The following FAM216A variants were observed in gnomAD, a reference collection of about 807,000 sequenced individuals.
The protein encoded by FAM216A is protein FAM216A.
FAM216A carries 26 observed loss-of-function variants against 37.6 expected under a neutral mutation model. The ratio of observed to expected loss-of-function variants is 0.69; its 90% CI spans 0.51 to 0.96. The LOEUF is 0.96. Ranked by LOEUF, FAM216A falls within the 40% of genes least tolerant of loss-of-function variation. The pLI, the probability that FAM216A is intolerant of heterozygous loss-of-function variation, is 0.00. For synonymous variants in FAM216A, 110 were observed against 121.7 expected, an observed-to-expected ratio of 0.90 and a Z score of 0.64; for missense variants, 326 against 339.3, an observed-to-expected ratio of 0.96 and a Z score of 0.31.
In FAM216A at chr12:110,485,186, C is replaced by T. The variant is rs376976483; in HGVS notation, c.293C>T (p.Ala98Val). The change falls in exon 3 of 7, where the codon GCG (alanine) becomes GTG (valine). Residue 98 changes from alanine (A) to valine (V), a missense_variant. Ala to Val is a moderately conservative substitution (Grantham distance 64). Transcript: ENST00000377673. ...TIHLSKSMME[A>V]SFFKHPDLTT... ...CACCTCTCTAAATCAATGATGGAGGCGTCCTTTTTCAAGGTATGCTAACAG... is the reference window on the plus strand; with the variant it reads ...CACCTCTCTAAATCAATGATGGAGGTGTCCTTTTTCAAGGTATGCTAACAG... 1.4e-5 allele frequency: 22 copies of T among 1,608,160 alleles called. No homozygotes were observed. The highest frequency in any genetic ancestry group is 1.7e-4 in the Middle Eastern group (1 of 6,046).
rs76614119 is a variant in FAM216A, at chr12:110,485,357, T to C, written c.306+158T>C. Among the ~76,000 whole-genome samples the C allele has an allele frequency of 6.9e-3, 1,045 of 152,292 alleles. 1 individual carries two copies. The highest frequency in any genetic ancestry group is 9.4e-3 in the Non-Finnish European group (637 of 68,016). ...CAATAAATATCTTTGAGTAAACTCA[T>C]GAATGAATGTAAAGATTATACATTC... On this transcript the variant is annotated intron_variant, in intron 3 of 6. Transcript: ENST00000377673.
intron 2 of FAM216A, among the ~76,000 whole-genome samples, chr12:110,483,141 C>G (rs779212012): frequency 4.0e-5 from 6 of 151,774 alleles, no homozygotes; most frequent in Non-Finnish European, 8.8e-5. Context: ...CTGGCTAACA[C>G]AGTGAAACGC....
intron 4 of FAM216A, 22 bp from the exon 5 acceptor site, chr12:110,486,512 T>C: frequency 6.2e-7 from 1 of 1,609,464 alleles, no homozygotes; most frequent in South Asian, 1.1e-5. Context: ...GAGGGTCTTT[T>C]AACAGGTGAT....
chr12:110,475,145 A>C (rs1228566883), intron 2 of FAM216A, among the ~76,000 whole-genome samples: 1 of 152,246 alleles, frequency 6.6e-6, no homozygotes, highest in Non-Finnish European at 1.5e-5. Flanking sequence ...GTATTCAGCA[A>C]GTGCTTGATT....
At chr12:110,473,557 T>C (rs1225816166) in intron 2 of FAM216A, among the ~76,000 whole-genome samples, 1 of 152,196 alleles carries the variant, frequency 6.6e-6, no homozygotes, top group African/African-American at 2.4e-5. Flanking sequence ...TTGGTGAACT[T>C]AGTCTTTAAG....
intron 2 of FAM216A, among the ~76,000 whole-genome samples, chr12:110,476,203 GTT>G (rs59041502): frequency 2.1e-5 from 3 of 142,142 alleles, no homozygotes; most frequent in Non-Finnish European, 4.6e-5. Flanking sequence ...AGTTGTCAAT[GTT>G]TTTTTTTTTT....
chr12:110,470,568 C>T (rs769056438), intron 1 of FAM216A, among the ~76,000 whole-genome samples: 27 of 151,870 alleles, frequency 1.8e-4, no homozygotes, highest in Non-Finnish European at 3.4e-4. Flanking sequence ...ACCTCCGCCT[C>T]CTGTGTTCAA....
intron 2 of FAM216A, among the ~76,000 whole-genome samples, chr12:110,473,881 C>T (rs1166317252): frequency 6.6e-6 from 1 of 152,146 alleles, no homozygotes; most frequent in Non-Finnish European, 1.5e-5. Flanking sequence ...CCCCAAAGGT[C>T]TCTCACTAAT....
At chr12:110,477,043 T>A (rs1171045682) in intron 2 of FAM216A, among the ~76,000 whole-genome samples, 1 of 152,200 alleles carries the variant, frequency 6.6e-6, no homozygotes, top group Non-Finnish European at 1.5e-5. Context: ...TTTGTAGAAT[T>A]TCCCTAAATT....
intron 1 of FAM216A, among the ~76,000 whole-genome samples, chr12:110,472,567 GA>G (rs2062692631): frequency 6.6e-6 from 1 of 151,412 alleles, no homozygotes; most frequent in African/African-American, 2.4e-5. Flanking sequence ...TCTAAAAAAG[GA>G]AAGAAAAAAA....
At chr12:110,481,043 T>C (rs2062744199) in intron 2 of FAM216A, among the ~76,000 whole-genome samples, 1 of 152,228 alleles carries the variant, frequency 6.6e-6, no homozygotes, top group African/African-American at 2.4e-5. Context: ...GTGACTGGCT[T>C]ATTTCACTTA....
In FAM216A at chr12:110,490,328, C is replaced by T. The variant is rs2062805044; in HGVS notation, c.*191C>T. ...AATGATAGTTATGTAAGAAAATTTA[C>T]ATGTAACATATACTTGTACTTCTAG... On this transcript the variant is annotated 3_prime_UTR_variant, in exon 7 of 7. Coordinates refer to ENST00000377673, the MANE Select transcript of FAM216A (RefSeq NM_013300.3). 1 of 566,916 alleles carries T rather than the reference C, an allele frequency of 1.8e-6. No homozygotes were observed. The highest frequency in any genetic ancestry group is 3.1e-6 in the Non-Finnish European group (1 of 319,636). 35.1% of individuals were successfully genotyped at this position (566,916 alleles called of 1,614,324 possible).
chr12:110,472,265 T>G (rs2062690961), intron 1 of FAM216A, among the ~76,000 whole-genome samples: 2 of 151,662 alleles, frequency 1.3e-5, no homozygotes, highest in Admixed American at 1.3e-4. Context: ...AAGAACAGTC[T>G]TTTCAATACC....
intron 5 of FAM216A, 198 bp downstream of exon 5, chr12:110,486,915 C>T (rs1429255171): frequency 3.7e-6 from 2 of 535,538 alleles, no homozygotes; most frequent in East Asian, 6.3e-5. Flanking sequence ...ACCACCATGC[C>T]CTGCTAGTTA....
At chr12:110,488,326 GAT>G (rs1465067029) in intron 6 of FAM216A, among the ~76,000 whole-genome samples, 17 of 150,540 alleles carry the variant, frequency 1.1e-4, no homozygotes, top group African/African-American at 3.9e-4. Context: ...CAGGAGAATC[GAT>G]TGAACCTGGG....
In FAM216A at chr12:110,490,149, C is replaced by G; in HGVS notation, c.*12C>G. ...TGATGTTAACTTGACAGTCTTGTCT[C>G]GTGTATTGAATTCGTGCCAAAGGTG... On this transcript the variant is annotated 3_prime_UTR_variant, in exon 7 of 7. Transcript: ENST00000377673. The G allele has an allele frequency of 7.6e-7, 1 of 1,315,506 alleles. No homozygotes were observed. The highest frequency in any genetic ancestry group is 1.1e-6 in the Non-Finnish European group (1 of 907,626). 81.5% of individuals were successfully genotyped at this position (1,315,506 alleles called of 1,614,324 possible).
intron 2 of FAM216A, among the ~76,000 whole-genome samples, chr12:110,477,250 T>C (rs951588678): frequency 5.3e-5 from 8 of 152,234 alleles, no homozygotes; most frequent in African/African-American, 1.9e-4. Context: ...GTTATGATTC[T>C]TACCCTTTGT....
At position 110,476,333 on chromosome 12, in the gene FAM216A, G is replaced by A. The variant is rs573168593; in HGVS notation, c.184+3215G>A. Among the ~76,000 whole-genome samples, 3 of 151,596 alleles carry A rather than the reference G, an allele frequency of 2.0e-5. No homozygotes were observed. The South Asian group carries it at 6.2e-4, about 32-fold the overall frequency. ...TCCTGCCTCAGCCTCCCGGGTAGCT[G>A]GGACTACAGTCGCCCACCACCACGC... is the stretch of plus-strand genomic sequence containing the variant. On this transcript the variant is annotated intron_variant, in intron 2 of 6. Coordinates refer to ENST00000377673, the MANE Select transcript of FAM216A (RefSeq NM_013300.3).
At chr12:110,473,728 G>A (rs559420740) in intron 2 of FAM216A, among the ~76,000 whole-genome samples, 1 of 152,210 alleles carries the variant, frequency 6.6e-6, no homozygotes, top group African/African-American at 2.4e-5. Flanking sequence ...ATGGATAGAA[G>A]AAAAAAATTC....
Sources: gnomAD v4.1 joint callset for allele counts (sites outside exome capture counted in the v4.1 genomes callset) on GRCh38, gnomAD v4.1.1 for gene constraint, MANE v1.5 for transcripts, NCBI Gene and HGNC (gene_info 2026-07-23, HGNC 2026-07-21) for gene names.